GAB2: variants seen among roughly 807,000 people sequenced by gnomAD.
The protein encoded by GAB2 is GRB2 associated binding protein 2, also known as GRB2-associated-binding protein 2.
Under a neutral mutation model 65.5 loss-of-function variants are expected in GAB2, and 26 were observed. The observed-to-expected ratio is 0.40, with a 90% CI of 0.29 to 0.55. GAB2 has a LOEUF of 0.55. GAB2 is among the 20% of genes least tolerant of loss of function. The pLI is 0.53. For missense variants in GAB2, 884 were observed against 875.8 expected, an observed-to-expected ratio of 1.01 and a Z score of -0.12; for synonymous variants, 321 against 329.6, an observed-to-expected ratio of 0.97 and a Z score of 0.28.
chr11:78,347,982 T>C (rs1856216837), intron 1 of GAB2, among the ~76,000 whole-genome samples: 1 of 152,166 alleles, frequency 6.6e-6, no homozygotes, highest in South Asian at 2.1e-4. Flanking sequence ...TGTTATATAT[T>C]ATATATTGCA....
chr11:78,285,760 T>C (rs1446584047), intron 1 of GAB2, among the ~76,000 whole-genome samples: 2 of 152,192 alleles, frequency 1.3e-5, no homozygotes, highest in Non-Finnish European at 2.9e-5. Context: ...AGCCACGGCA[T>C]GGGGCCCCAT....
At chr11:78,317,684 C>T (rs1855638515) in intron 1 of GAB2, among the ~76,000 whole-genome samples, 1 of 150,570 alleles carries the variant, frequency 6.6e-6, no homozygotes, top group African/African-American at 2.4e-5. Flanking sequence ...CAGCAAAGAA[C>T]TTGGCAACGA....
intron 2 of GAB2, among the ~76,000 whole-genome samples, chr11:78,257,730 G>T (rs1445243284): frequency 2.6e-5 from 4 of 152,164 alleles, no homozygotes; most frequent in Admixed American, 2.6e-4. Flanking sequence ...AAGGACAACA[G>T]TGACTGTGGT....
At chr11:78,397,026 T>C (rs1344892428) in intron 1 of GAB2, among the ~76,000 whole-genome samples, 2 of 152,252 alleles carry the variant, frequency 1.3e-5, no homozygotes, top group African/African-American at 4.8e-5. Flanking sequence ...AAAATATTAA[T>C]GTTTAGGCTT....
At chr11:78,381,190 A>G (rs931766776) in intron 1 of GAB2, among the ~76,000 whole-genome samples, 19 of 152,208 alleles carry the variant, frequency 1.2e-4, no homozygotes, top group African/African-American at 4.6e-4. Context: ...TGTTTCTTCC[A>G]CTGAAAATGT....
intron 1 of GAB2, among the ~76,000 whole-genome samples, chr11:78,411,982 A>G (rs964546997): frequency 6.6e-6 from 1 of 152,018 alleles, no homozygotes; most frequent in Admixed American, 6.6e-5. Flanking sequence ...GTGAGCCAAG[A>G]CTGTGCCACC....
At chr11:78,392,646 A>G (rs1856848922) in intron 1 of GAB2, among the ~76,000 whole-genome samples, 1 of 152,210 alleles carries the variant, frequency 6.6e-6, no homozygotes, top group Admixed American at 6.5e-5. Flanking sequence ...GGGCAAAGGT[A>G]ATGAAGATGG....
rs775889529 is a variant in GAB2 at position 78,250,385 on chromosome 11, A to T, written c.392T>A (p.Val131Asp). Residue 131 changes from valine to aspartate, a missense_variant, in exon 3 of 10, where the codon GTT becomes GAT. Transcript: ENST00000361507. ...AEESTDSLRN[V>D]SSAGHGPRSS... ...GCGGGGGCCATGACCGGCTGAGGAA[A>T]CATTTCTCAGGGAGTCTGAAAAGGA... The T allele has an allele frequency of 6.2e-7, 1 of 1,613,188 alleles. No individual in the cohort carries two copies. The highest frequency in any genetic ancestry group is 1.7e-5 in the Admixed American group (1 of 59,990).
At chr11:78,355,692 A>AAG in intron 1 of GAB2, among the ~76,000 whole-genome samples, 1 of 151,336 alleles carries the variant, frequency 6.6e-6, no homozygotes, top group African/African-American at 2.4e-5. Flanking sequence ...AAAAAAAAAA[A>AAG]AAAAAAAAAA....
In GAB2 at chr11:78,263,429, A is replaced by C. The variant is rs558584949; in HGVS notation, c.377-13029T>G. Among the ~76,000 whole-genome samples the C allele has an allele frequency of 2.2e-4, 33 of 152,106 alleles. No individual in the cohort carries two copies. In the South Asian group the frequency reaches 5.6e-3, roughly 26 times the overall value. On this transcript the variant is annotated intron_variant, in intron 2 of 9. Transcript: ENST00000361507. The stretch of plus-strand genomic sequence containing the variant: ...CGGGCAGATGACGAGGTCAGGAGAT[A>C]AAGACAATCCTGGCTAACACGGTGA...
chr11:78,304,057 A>G (rs1180519286), intron 1 of GAB2, among the ~76,000 whole-genome samples: 1 of 151,976 alleles, frequency 6.6e-6, no homozygotes, highest in Non-Finnish European at 1.5e-5. Context: ...TTATAATTAA[A>G]TTATTTTAAC....
intron 1 of GAB2, among the ~76,000 whole-genome samples, chr11:78,344,022 T>A (rs1856142512): frequency 6.6e-6 from 1 of 152,076 alleles, no homozygotes; most frequent in African/African-American, 2.4e-5. Flanking sequence ...GGTGATGAGT[T>A]GAAGGACTGT....
intron 1 of GAB2, among the ~76,000 whole-genome samples, chr11:78,371,425 G>C (rs1269227470): frequency 1.3e-5 from 2 of 152,152 alleles, no homozygotes; most frequent in African/African-American, 2.4e-5. Context: ...AGCTAAGGTG[G>C]CTAAAAGAGA....
At chr11:78,294,534 A>G (rs970494550) in intron 1 of GAB2, among the ~76,000 whole-genome samples, 4 of 152,196 alleles carry the variant, frequency 2.6e-5, no homozygotes, top group African/African-American at 4.8e-5. Flanking sequence ...TCCCACCAAC[A>G]GTGTAAAAGT....
intron 1 of GAB2, among the ~76,000 whole-genome samples, chr11:78,406,692 G>A (rs73502975): frequency 1.3e-5 from 2 of 151,902 alleles, no homozygotes; most frequent in Non-Finnish European, 2.9e-5. Flanking sequence ...AATAGAAAAC[G>A]ACTCATTATA....
chr11:78,247,172 A>G (rs1193001817), intron 3 of GAB2, among the ~76,000 whole-genome samples: 4 of 152,188 alleles, frequency 2.6e-5, no homozygotes, highest in Non-Finnish European at 4.4e-5. Context: ...CAAAAAGTTC[A>G]TCTCTGTGTA....
chr11:78,405,233 G>T (rs1857028206), intron 1 of GAB2, among the ~76,000 whole-genome samples: 1 of 151,754 alleles, frequency 6.6e-6, no homozygotes, highest in Non-Finnish European at 1.5e-5. Flanking sequence ...TGAGGAGCTG[G>T]AACTACAGGT....
chr11:78,360,790 C>T (rs1289729811), intron 1 of GAB2, among the ~76,000 whole-genome samples: 3 of 152,040 alleles, frequency 2.0e-5, no homozygotes, highest in South Asian at 2.1e-4. Context: ...ACTTAGGAGG[C>T]GGCAGTTGCA....
At chr11:78,352,464 T>C (rs1416008182) in intron 1 of GAB2, among the ~76,000 whole-genome samples, 3 of 152,332 alleles carry the variant, frequency 2.0e-5, no homozygotes, top group Middle Eastern at 3.4e-3. Flanking sequence ...GTTGAAAGCA[T>C]GTGATAAGCT....
Sources: gnomAD v4.1 joint callset for allele counts (sites outside exome capture counted in the v4.1 genomes callset) on GRCh38, gnomAD v4.1.1 for gene constraint, MANE v1.5 for transcripts, NCBI Gene and HGNC (gene_info 2026-07-23, HGNC 2026-07-21) for gene names.